The following SCLT1 variants were observed in gnomAD, a reference collection of about 807,000 sequenced individuals.
SCLT1 encodes the protein sodium channel and clathrin linker 1, also known as sodium channel-associated protein 1.
In SCLT1, 78 loss-of-function variants were observed where a neutral mutation model predicts 112.8. The ratio of observed to expected loss-of-function variants is 0.69; its 90% confidence interval spans 0.58 to 0.83. SCLT1 has a LOEUF of 0.83. Ranked by LOEUF, SCLT1 falls within the 40% of genes least tolerant of loss-of-function variation. The probability of loss-of-function intolerance (pLI) is 0.00; values close to 1 mark genes in which losing one functional copy is unlikely to be tolerated. For missense variants in SCLT1, 747 were observed against 770.4 expected (o/e 0.97, Z 0.36); for synonymous variants, 257 against 254.7 (o/e 1.01, Z -0.09).
chr4:128,886,339 T>C (rs552502260), intron 20 of SCLT1, among the ~76,000 whole-genome samples: 24 of 152,282 alleles, frequency 1.6e-4, no homozygotes, highest in Admixed American at 5.2e-4. Flanking sequence ...CACTGCACTA[T>C]GGTAAGTGTG....
intron 11 of SCLT1, among the ~76,000 whole-genome samples, chr4:128,963,064 T>C (rs1739878458): frequency 6.6e-6 from 1 of 152,122 alleles, no homozygotes; most frequent in Admixed American, 6.5e-5. Context: ...TTAGTAAATA[T>C]GGGTGAAATC....
intron 5 of SCLT1, among the ~76,000 whole-genome samples, chr4:129,018,171 T>A (rs1417832322): frequency 6.6e-6 from 1 of 152,214 alleles, no homozygotes; most frequent in Non-Finnish European, 1.5e-5. Context: ...AGGCACTGCC[T>A]TTTCTCCCAC....
chr4:128,959,799 G>A (rs1739523895), intron 11 of SCLT1, 22 bp from the exon 12 acceptor site: 5 of 1,599,480 alleles, frequency 3.1e-6, no homozygotes, highest in Non-Finnish European at 4.3e-6. Flanking sequence ...TAATTACACT[G>A]GGAAAGTTAA....
chr4:129,069,124 T>C (rs1750756219), intron 2 of SCLT1, among the ~76,000 whole-genome samples: 1 of 152,196 alleles, frequency 6.6e-6, no homozygotes, highest in African/African-American at 2.4e-5. Context: ...TTCCGTTCCA[T>C]TGGTCTATGT....
chr4:129,017,806 T>C (rs1745124340), intron 5 of SCLT1, among the ~76,000 whole-genome samples: 1 of 152,256 alleles, frequency 6.6e-6, no homozygotes, highest in Admixed American at 6.5e-5. Flanking sequence ...TTAATAACAC[T>C]AATAGCACCA....
At chr4:128,895,378 A>G (rs965920014) in intron 18 of SCLT1, among the ~76,000 whole-genome samples, 1 of 152,216 alleles carries the variant, frequency 6.6e-6, no homozygotes, top group Non-Finnish European at 1.5e-5. Context: ...TGTGTAATTT[A>G]TCTTTCCAAC....
chr4:129,068,261 G>A (rs750031626), intron 2 of SCLT1, among the ~76,000 whole-genome samples: 4 of 152,058 alleles, frequency 2.6e-5, no homozygotes, highest in Non-Finnish European at 5.9e-5. Flanking sequence ...TGGATCAAAT[G>A]GTAGTCCTAC....
intron 9 of SCLT1, among the ~76,000 whole-genome samples, chr4:128,979,321 C>T (rs1298321312): frequency 2.0e-5 from 3 of 151,952 alleles, no homozygotes; most frequent in Non-Finnish European, 2.9e-5. Flanking sequence ...AATGATATTA[C>T]CAGGTGGGGC....
At chr4:128,988,689 T>A (rs763962457) in intron 9 of SCLT1, among the ~76,000 whole-genome samples, 27 of 151,714 alleles carry the variant, frequency 1.8e-4, no homozygotes, top group Admixed American at 3.3e-4. Context: ...AAAGAGTAGC[T>A]GAATGGATAA....
At chr4:128,929,603 T>C (rs1736593036) in intron 18 of SCLT1, among the ~76,000 whole-genome samples, 1 of 152,134 alleles carries the variant, frequency 6.6e-6, no homozygotes, top group Non-Finnish European at 1.5e-5. Flanking sequence ...CTTACAAAGG[T>C]ATAATAAATA....
intron 18 of SCLT1, among the ~76,000 whole-genome samples, chr4:128,922,609 A>G (rs1735970379): frequency 6.6e-6 from 1 of 152,200 alleles, no homozygotes; most frequent in African/African-American, 2.4e-5. Flanking sequence ...TTGAGTATAC[A>G]TGGACACAAA....
intron 18 of SCLT1, among the ~76,000 whole-genome samples, chr4:128,915,124 C>A (rs1336494141): frequency 3.3e-5 from 5 of 152,076 alleles, no homozygotes; most frequent in Admixed American, 6.6e-5. Flanking sequence ...ATCAAGTGCC[C>A]AACACTATAC....
chr4:129,008,952 A>T (rs530020391), intron 5 of SCLT1, among the ~76,000 whole-genome samples: 52 of 152,332 alleles, frequency 3.4e-4, no homozygotes, highest in African/African-American at 1.2e-3. Flanking sequence ...GCTAAGGATA[A>T]TCACCTCCAG....
At chr4:128,899,846 TG>T (rs1356788774) in intron 18 of SCLT1, among the ~76,000 whole-genome samples, 1 of 152,172 alleles carries the variant, frequency 6.6e-6, no homozygotes, top group Non-Finnish European at 1.5e-5. Context: ...ACAAAATCAA[TG>T]TGCAAAAATC....
At chr4:128,877,682 A>G (rs1015198652) in intron 3 of SCLT1, among the ~76,000 whole-genome samples, 1 of 149,332 alleles carries the variant, frequency 6.7e-6, no homozygotes, top group African/African-American at 2.4e-5. Flanking sequence ...CTCGGTCTCA[A>G]AAAAAAAAAA....
chr4:128,927,673 A>G (rs956316435), intron 18 of SCLT1, among the ~76,000 whole-genome samples: 1 of 152,112 alleles, frequency 6.6e-6, no homozygotes, highest in Non-Finnish European at 1.5e-5. Flanking sequence ...TATAACATTG[A>G]AGAATGCATG....
At chr4:128,883,202 T>C (rs1443090940), downstream of SCLT1, among the ~76,000 whole-genome samples, 1 of 148,262 alleles carries the variant, frequency 6.7e-6, no homozygotes, top group Non-Finnish European at 1.5e-5. Context: ...GACCCTGTAT[T>C]GGGAGGGAGG....
chr4:128,939,468 C>T (rs937750570), intron 17 of SCLT1, among the ~76,000 whole-genome samples: 5 of 152,048 alleles, frequency 3.3e-5, no homozygotes, highest in Non-Finnish European at 5.9e-5. Context: ...AACTGATCTC[C>T]GATTACAAAA....
intron 11 of SCLT1, among the ~76,000 whole-genome samples, chr4:128,962,313 C>G (rs1739807377): frequency 1.3e-5 from 2 of 152,142 alleles, no homozygotes; most frequent in South Asian, 4.1e-4. Context: ...AATATTTAGT[C>G]TGACATATTA....
Sources: gnomAD v4.1 joint callset for allele counts (sites outside exome capture counted in the v4.1 genomes callset) on GRCh38, gnomAD v4.1.1 for gene constraint, MANE v1.5 for transcripts, NCBI Gene and HGNC (gene_info 2026-07-23, HGNC 2026-07-21) for gene names.